Variants in XRN2 observed in about 807,000 individuals in gnomAD.
XRN2 encodes DHM1-like protein.
Under a neutral mutation model 138.5 loss-of-function variants are expected in XRN2, and 44 were observed. The ratio of observed to expected loss-of-function variants is 0.32; its 90% CI spans 0.25 to 0.41. The LOEUF is 0.41. Among genes scored for constraint, XRN2 ranks in the 10% least tolerant of loss-of-function variants. XRN2 has a pLI of 1.00. For synonymous variants in XRN2, 354 were observed against 369.4 expected (o/e 0.96, Z 0.48); for missense variants, 937 against 1,169.3 (o/e 0.80, Z 2.90).
chr20:21,358,884 C>T (rs1018789352), intron 24 of XRN2, among the ~76,000 whole-genome samples: 4 of 152,198 alleles, frequency 2.6e-5, no homozygotes, highest in Non-Finnish European at 4.4e-5. Context: ...CAATCTGGCT[C>T]TGACAGATTC....
chr20:21,309,510 CTT>C (rs2037850007), intron 1 of XRN2, among the ~76,000 whole-genome samples: 1 of 152,126 alleles, frequency 6.6e-6, no homozygotes, highest in African/African-American at 2.4e-5. Flanking sequence ...AATTCGTAAA[CTT>C]TCTTAAAACA....
chr20:21,317,658 G>T (rs1034680247), intron 1 of XRN2, among the ~76,000 whole-genome samples: 17 of 152,104 alleles, frequency 1.1e-4, no homozygotes, highest in African/African-American at 4.1e-4. Flanking sequence ...TAGTCTCTGG[G>T]TTACTTAAAT....
chr20:21,315,977 TTG>T (rs1204644708), intron 1 of XRN2, among the ~76,000 whole-genome samples: 3 of 152,208 alleles, frequency 2.0e-5, no homozygotes, highest in African/African-American at 7.2e-5. Context: ...TTTTGTCCGG[TTG>T]TGGTGACTCA....
chr20:21,372,049 A>G (rs2038769754), intron 27 of XRN2, among the ~76,000 whole-genome samples: 2 of 152,262 alleles, frequency 1.3e-5, no homozygotes, highest in East Asian at 3.8e-4. Context: ...TTTAATTAGA[A>G]TGTATTCCAG....
intron 19 of XRN2, 31 bp from the exon 20 acceptor site, chr20:21,349,358 T>C (rs2038478084): frequency 2.8e-6 from 4 of 1,423,882 alleles, no homozygotes; most frequent in Non-Finnish European, 4.0e-6. Context: ...GTGACTTCTG[T>C]TTTGATTCTT....
chr20:21,309,371 A>T (rs906740734), intron 1 of XRN2, among the ~76,000 whole-genome samples: 1 of 151,990 alleles, frequency 6.6e-6, no homozygotes, highest in Non-Finnish European at 1.5e-5. Flanking sequence ...TTATTTATTT[A>T]TTTTTTGGAT....
At chr20:21,303,559 C>T (rs1481774126) in intron 1 of XRN2, 86 bp downstream of exon 1, 2 of 1,424,130 alleles carry the variant, frequency 1.4e-6, no homozygotes, top group African/African-American at 1.5e-5. Context: ...CCGCCTGCCC[C>T]CGGGGAGCCT....
intron 27 of XRN2, among the ~76,000 whole-genome samples, chr20:21,377,264 C>CTTTGTTTTTTTTTTTTTTTTTTTTT (rs2038833737): frequency 1.2e-5 from 1 of 82,780 alleles, no homozygotes; most frequent in Non-Finnish European, 2.1e-5. Flanking sequence ...TCGGTTTTTT[C>CTTTGTTTTTTTTTTTTTTTTTTTTT]TTTTTTTTTT....
intron 3 of XRN2, 38 bp downstream of exon 3, chr20:21,326,639 T>G: frequency 6.5e-7 from 1 of 1,539,034 alleles, no homozygotes; most frequent in East Asian, 2.3e-5. Flanking sequence ...CATTTTGTTT[T>G]TTTTTGCTGT....
At chr20:21,354,293 C>T (rs544588188) in intron 20 of XRN2, among the ~76,000 whole-genome samples, 5 of 152,036 alleles carry the variant, frequency 3.3e-5, no homozygotes, top group Admixed American at 2.6e-4. Flanking sequence ...AAAAAGAATA[C>T]TATGGAATTT....
At chr20:21,337,431 G>T (rs1203787677) in intron 13 of XRN2, among the ~76,000 whole-genome samples, 1 of 152,216 alleles carries the variant, frequency 6.6e-6, no homozygotes, top group Non-Finnish European at 1.5e-5. Flanking sequence ...GAAAGACTGG[G>T]AGGTGCAAAG....
intron 26 of XRN2, among the ~76,000 whole-genome samples, chr20:21,367,351 TTATAAA>T (rs2038715795): frequency 6.6e-6 from 1 of 152,174 alleles, no homozygotes; most frequent in South Asian, 2.1e-4. Flanking sequence ...TAATGATAAC[TTATAAA>T]TAGATGTTTC....
chr20:21,323,165 T>C (rs551291481), intron 1 of XRN2, among the ~76,000 whole-genome samples: 1 of 152,322 alleles, frequency 6.6e-6, no homozygotes, highest in South Asian at 2.1e-4. Flanking sequence ...TGGCAGCATA[T>C]CTCTTCTCAC....
intron 27 of XRN2, among the ~76,000 whole-genome samples, chr20:21,375,736 GA>G (rs1213736490): frequency 6.6e-6 from 1 of 151,824 alleles, no homozygotes; most frequent in African/African-American, 2.4e-5. Flanking sequence ...CTCTAAATAA[GA>G]GTATACCAAT....
chr20:21,330,730 A>C (rs1248901829), intron 6 of XRN2, 25 bp downstream of exon 6: 4 of 1,586,168 alleles, frequency 2.5e-6, no homozygotes, highest in Non-Finnish European at 3.5e-6. Context: ...TTGATACTTC[A>C]GAAAGATTAG....
In XRN2 at chr20:21,334,018, C is replaced by G. The variant is rs772381427; in HGVS notation, c.1125+24C>G. 3.1e-6 allele frequency: 5 copies of G among 1,613,894 alleles called. No individual in the cohort carries two copies. The South Asian group carries it at 5.5e-5, about 18-fold the overall frequency. ...GGGTAAGTTCATTCTTGAATGATTT[C>G]AAAACAGAAGTATTTGCTTTTATAA... On this transcript the variant is annotated intron_variant, in intron 12 of 29. Coordinates refer to ENST00000377191, the MANE Select transcript of XRN2 (RefSeq NM_012255.5).
chr20:21,371,317 GTC>G (rs1278894905), intron 27 of XRN2, among the ~76,000 whole-genome samples: 1 of 152,086 alleles, frequency 6.6e-6, no homozygotes, highest in East Asian at 1.9e-4. Context: ...TTCACTCTCT[GTC>G]TCTGTTCCTC....
chr20:21,334,775 A>G (rs1269990896), intron 13 of XRN2, among the ~76,000 whole-genome samples: 4 of 152,210 alleles, frequency 2.6e-5, no homozygotes, highest in Non-Finnish European at 5.9e-5. Context: ...TTACTAAGAT[A>G]GCAAGCACTA....
At chr20:21,326,139 A>C in intron 1 of XRN2, 140 bp from the exon 2 acceptor site, 1 of 850,656 alleles carries the variant, frequency 1.2e-6, no homozygotes, top group Non-Finnish European at 1.7e-6. Flanking sequence ...TAAGGAATAA[A>C]ATAACTTATT....
Sources: gnomAD v4.1 joint callset for allele counts (sites outside exome capture counted in the v4.1 genomes callset) on GRCh38, gnomAD v4.1.1 for gene constraint, MANE v1.5 for transcripts, NCBI Gene and HGNC (gene_info 2026-07-23, HGNC 2026-07-21) for gene names.